Variants in EPHA7 observed in about 807,000 individuals in gnomAD.
EPHA7 encodes the protein ephrin type-A receptor 7.
Under a neutral mutation model 112.6 loss-of-function variants are expected in EPHA7, and 25 were observed. The observed-to-expected ratio is 0.22, with a 90% confidence interval of 0.16 to 0.31. The LOEUF (loss-of-function observed/expected upper bound fraction) is 0.31. Among genes scored for constraint, EPHA7 ranks in the 10% least tolerant of loss-of-function variants. The pLI, the probability that EPHA7 is intolerant of heterozygous loss-of-function variation, is 1.00. For synonymous variants in EPHA7, 437 were observed against 406.5 expected (o/e 1.07, Z -0.90); for missense variants, 962 against 1,212.6 (o/e 0.79, Z 3.07).
At position 93,314,901 on chromosome 6, in the gene EPHA7, C is replaced by T. The variant is rs9345347; in HGVS notation, c.1324+41816G>A. ...TTTTTGAGACGGAGTCTCGCTCTGTCGCCCAGGCTGGAGTGCAGTGGCGCG... is the reference window on the plus strand; with the variant it reads ...TTTTTGAGACGGAGTCTCGCTCTGTTGCCCAGGCTGGAGTGCAGTGGCGCG... On this transcript the variant is annotated intron_variant, in intron 5 of 16. Transcript: ENST00000369303. Among the ~76,000 whole-genome samples the T allele has an allele frequency of 6.6e-4, 80 of 121,402 alleles. 1 individual carries two copies. Among genetic ancestry groups the T allele is most frequent in the African/African-American group, 2.3e-3 (69 of 30,566 alleles). The allele number at this position is 121,402 out of a possible 152,430, so 79.6% of individuals were successfully genotyped here.
chr6:93,311,117 TTTTTTTTTTTTTTTTTTTTTTTTTACAGA>T (rs1333757155), intron 5 of EPHA7, among the ~76,000 whole-genome samples: 4 of 61,480 alleles, frequency 6.5e-5, no homozygotes, highest in African/African-American at 2.6e-4. Flanking sequence ...CCCAGCTATT[TTTTTTTTTTTTTTTTTTTTTTTTTACAGA>T]GATTGTAACA....
chr6:93,302,207 G>A (rs760909896), intron 5 of EPHA7, among the ~76,000 whole-genome samples: 87 of 152,128 alleles, frequency 5.7e-4, no homozygotes, highest in Non-Finnish European at 1.8e-4. Context: ...CCTCCAAGCT[G>A]TTGCTATTCA....
chr6:93,340,728 A>G (rs1775097351), intron 5 of EPHA7, among the ~76,000 whole-genome samples: 1 of 151,994 alleles, frequency 6.6e-6, no homozygotes, highest in African/African-American at 2.4e-5. Context: ...TACTTGGGTA[A>G]AAAGTTCCAT....
rs770702208 is a variant in EPHA7 at position 93,348,798 on chromosome 6, T to C, written c.1324+7919A>G. On this transcript the variant is annotated intron_variant, in intron 5 of 16. Transcript: ENST00000369303. ...CATATTACAGTATACAAAGAATTTA[T>C]GTACTCAGCCAACAAATATTTACTA... Among the ~76,000 whole-genome samples the C allele has an allele frequency of 3.9e-5, 6 of 152,000 alleles. No individual in the cohort carries two copies. The East Asian group carries it at 9.7e-4, about 24-fold the overall frequency.
intron 3 of EPHA7, among the ~76,000 whole-genome samples, chr6:93,404,502 C>T (rs1778592816): frequency 1.3e-5 from 2 of 151,740 alleles, no homozygotes; most frequent in African/African-American, 2.4e-5. Flanking sequence ...ATCATAAGTA[C>T]TTAACCCAAA....
At chr6:93,310,586 C>G (rs1186304045) in intron 5 of EPHA7, among the ~76,000 whole-genome samples, 7 of 151,852 alleles carry the variant, frequency 4.6e-5, no homozygotes, top group African/African-American at 1.7e-4. Context: ...ATTGCTTGAA[C>G]CCGGGGGATG....
intron 3 of EPHA7, among the ~76,000 whole-genome samples, chr6:93,392,052 C>T (rs1284564826): frequency 6.6e-6 from 1 of 151,918 alleles, no homozygotes; most frequent in Non-Finnish European, 1.5e-5. Context: ...AAAAATTATA[C>T]AGTACATTCT....
At chr6:93,310,661 CAA>C (rs777397436) in intron 5 of EPHA7, among the ~76,000 whole-genome samples, 5 of 100,004 alleles carry the variant, frequency 5.0e-5, no homozygotes, top group African/African-American at 7.5e-5. Flanking sequence ...GACTCCGTCT[CAA>C]AAAAAAAAAA....
intron 3 of EPHA7, among the ~76,000 whole-genome samples, chr6:93,359,886 T>G (rs62414247): frequency 3.5e-3 from 349 of 98,960 alleles, no homozygotes; most frequent in South Asian, 4.9e-3. Flanking sequence ...GATAGATAGA[T>G]AGATAGATAG....
intron 5 of EPHA7, 111 bp downstream of exon 5, chr6:93,356,606 C>G: frequency 1.0e-6 from 1 of 1,002,780 alleles, no homozygotes; most frequent in Non-Finnish European, 1.5e-6. Flanking sequence ...AAATAATCAA[C>G]AAGCTGGAAG....
At chr6:93,275,505 A>T (rs997036349) in intron 5 of EPHA7, among the ~76,000 whole-genome samples, 1 of 151,972 alleles carries the variant, frequency 6.6e-6, no homozygotes, top group Non-Finnish European at 1.5e-5. Flanking sequence ...TTCAAGTCTT[A>T]TCAGGGATAT....
chr6:93,248,009 TAAG>T (rs1770035141), intron 14 of EPHA7, among the ~76,000 whole-genome samples: 1 of 151,536 alleles, frequency 6.6e-6, no homozygotes, highest in African/African-American at 2.4e-5. Context: ...ACAGCAGAAA[TAAG>T]AAGGGATCGG....
At chr6:93,387,169 T>C (rs903165804) in intron 3 of EPHA7, among the ~76,000 whole-genome samples, 3 of 152,070 alleles carry the variant, frequency 2.0e-5, no homozygotes, top group African/African-American at 7.2e-5. Flanking sequence ...TTTCCTCTTG[T>C]ATGCTTTGTT....
intron 3 of EPHA7, among the ~76,000 whole-genome samples, chr6:93,358,947 T>G (rs1776101248): frequency 6.6e-6 from 1 of 152,140 alleles, no homozygotes; most frequent in Admixed American, 6.6e-5. Flanking sequence ...TTTTCCCAAA[T>G]TTTCAGGAAA....
chr6:93,358,457 G>A (rs769778750), intron 3 of EPHA7, 46 bp from the exon 4 acceptor site: 3 of 1,491,292 alleles, frequency 2.0e-6, no homozygotes, highest in Admixed American at 2.2e-5. Context: ...AGAGCAAATC[G>A]ATCTTTAAAA....
intron 5 of EPHA7, among the ~76,000 whole-genome samples, chr6:93,289,638 A>T (rs1772255295): frequency 6.6e-6 from 1 of 151,956 alleles, no homozygotes; most frequent in Non-Finnish European, 1.5e-5. Context: ...AAATAAAAAA[A>T]TAAAAAAATA....
chr6:93,354,422 T>C (rs1374142793), intron 5 of EPHA7, among the ~76,000 whole-genome samples: 1 of 152,000 alleles, frequency 6.6e-6, no homozygotes, highest in Non-Finnish European at 1.5e-5. Flanking sequence ...GCAAACCTAG[T>C]TTTTTAACCT....
chr6:93,349,385 C>G (rs1000060378), intron 5 of EPHA7, among the ~76,000 whole-genome samples: 9 of 151,830 alleles, frequency 5.9e-5, no homozygotes, highest in Non-Finnish European at 1.0e-4. Flanking sequence ...ATGACTAAAT[C>G]CTGCACTTTC....
chr6:93,361,464 A>T (rs1355826156), intron 3 of EPHA7, among the ~76,000 whole-genome samples: 1 of 151,648 alleles, frequency 6.6e-6, no homozygotes, highest in Non-Finnish European at 1.5e-5. Flanking sequence ...AACATTAGAA[A>T]TTGTGATAAG....
Sources: allele counts gnomAD v4.1 joint callset (sites outside exome capture counted in the v4.1 genomes callset), GRCh38; gene constraint gnomAD v4.1.1; transcripts MANE v1.5; gene names NCBI Gene and HGNC (gene_info 2026-07-23, HGNC 2026-07-21).